The following TMEM132B variants were observed in gnomAD, a reference collection of about 807,000 sequenced individuals.
The protein encoded by TMEM132B is transmembrane protein 132B.
TMEM132B carries 18 observed loss-of-function variants against 90.8 expected under a neutral mutation model. That is an observed-to-expected ratio of 0.20 (90% CI 0.14 to 0.29). The LOEUF is 0.29. Ranked by LOEUF, TMEM132B falls within the 10% of genes least tolerant of loss-of-function variation. The probability of loss-of-function intolerance (pLI) is 1.00; values close to 1 mark genes in which losing one functional copy is unlikely to be tolerated. For missense variants in TMEM132B, 1,096 were observed against 1,326.8 expected, an observed-to-expected ratio of 0.83 and a Z score of 2.70; for synonymous variants, 504 against 523.3, an observed-to-expected ratio of 0.96 and a Z score of 0.50.
chr12:125,595,246 T>G (rs182802438), intron 5 of TMEM132B, among the ~76,000 whole-genome samples: 24 of 152,306 alleles, frequency 1.6e-4, no homozygotes, highest in Non-Finnish European at 2.8e-4. Context: ...TTCCCGTCAC[T>G]AGCACTGCAC....
intron 4 of TMEM132B, among the ~76,000 whole-genome samples, chr12:125,539,169 C>T (rs184482490): frequency 1.3e-5 from 2 of 152,304 alleles, no homozygotes; most frequent in East Asian, 1.9e-4. Flanking sequence ...TTGTGAATGA[C>T]GCCATGACAC....
intron 4 of TMEM132B, among the ~76,000 whole-genome samples, chr12:125,544,980 A>G (rs548999568): frequency 1.3e-5 from 2 of 152,222 alleles, no homozygotes; most frequent in African/African-American, 4.8e-5. Context: ...GATTACTCCT[A>G]TGGGTCAAAT....
chr12:125,277,276 C>G lies in TMEM132B; in HGVS notation c.68-72176C>G, dbSNP rs1012981846. Among the ~76,000 whole-genome samples the G allele has an allele frequency of 6.6e-6, 1 of 151,980 alleles. No homozygotes were observed. Among genetic ancestry groups the G allele is most frequent in the African/African-American group, 2.4e-5 (1 of 41,352 alleles). The stretch of plus-strand genomic sequence containing the variant: ...CAGGTGGATTACAAGGTCAGGAGTT[C>G]AAGACCAGCCTGGCCAACATGGTGA... On this transcript the variant is annotated intron_variant, in intron 1 of 8. Coordinates refer to ENST00000682704, the MANE Select transcript of TMEM132B (RefSeq NM_001366854.1). The surrounding 1 kb of genome is among the most constrained non-coding windows in gnomAD (Gnocchi z 4.3).
At chr12:125,607,049 G>A (rs533518073) in intron 5 of TMEM132B, among the ~76,000 whole-genome samples, 1 of 152,236 alleles carries the variant, frequency 6.6e-6, no homozygotes, top group Admixed American at 6.5e-5. Context: ...CCACTGCAGA[G>A]GTTTATTCCT....
chr12:125,448,290 A>T lies in TMEM132B; in HGVS notation c.1106+32613A>T, dbSNP rs1881059046. ...CATTTTGATGAGTTTTGACAAATTT[A>T]TTCACCCAACTAATCACCATCAACT... On this transcript the variant is annotated intron_variant, in intron 3 of 8. Transcript: ENST00000682704. Among the ~76,000 whole-genome samples the T allele has an allele frequency of 5.3e-5, 8 of 152,040 alleles. No homozygotes were observed. In the South Asian group the frequency reaches 1.7e-3, roughly 32 times the overall value.
chr12:125,481,131 A>G (rs932385941), intron 3 of TMEM132B, among the ~76,000 whole-genome samples: 10 of 152,234 alleles, frequency 6.6e-5, no homozygotes, highest in African/African-American at 2.4e-4. Context: ...GCTATTTATG[A>G]CAAACCCACT....
chr12:125,292,680 C>T (rs1017548019), intron 1 of TMEM132B, among the ~76,000 whole-genome samples: 4 of 152,208 alleles, frequency 2.6e-5, no homozygotes, highest in African/African-American at 9.7e-5. Context: ...TCCAGTTGGC[C>T]TCTTTCTCTG....
chr12:125,598,408 A>G (rs942450918), intron 5 of TMEM132B, among the ~76,000 whole-genome samples: 2 of 152,194 alleles, frequency 1.3e-5, no homozygotes, highest in South Asian at 2.1e-4. Context: ...CTGTGAGACA[A>G]TCGAGGCAGC....
At chr12:125,652,655 G>C in intron 8 of TMEM132B, 23 bp downstream of exon 8, 1 of 1,595,388 alleles carries the variant, frequency 6.3e-7, no homozygotes, top group Non-Finnish European at 8.5e-7. Flanking sequence ...GGGGCCCTGC[G>C]TCCTTGGTCA....
At chr12:125,571,558 G>C (rs573388175) in intron 4 of TMEM132B, among the ~76,000 whole-genome samples, 5 of 152,224 alleles carry the variant, frequency 3.3e-5, no homozygotes, top group African/African-American at 1.2e-4. Context: ...ATGTTTGTTA[G>C]GCACTTACCA....
chr12:125,246,549 C>T lies in TMEM132B; in HGVS notation c.67+59683C>T, dbSNP rs1170306438. On this transcript the variant is annotated intron_variant, in intron 1 of 8. Transcript: ENST00000682704. The surrounding 1 kb of genome is among the most constrained non-coding windows in gnomAD (Gnocchi z 4.2). Reference sequence around the variant, plus strand: ...TTGGAAGCCCTTATTAAGTGATTCCCGTTTGCTTCGGCATGAATGCACAAC... The same window carrying T: ...TTGGAAGCCCTTATTAAGTGATTCCTGTTTGCTTCGGCATGAATGCACAAC... 1.3e-5 allele frequency among the ~76,000 whole-genome samples: 2 copies of T among 152,146 alleles called. No homozygotes were observed. Among genetic ancestry groups the T allele is most frequent in the Non-Finnish European group, 2.9e-5 (2 of 68,042 alleles).
At chr12:125,318,260 G>C (rs1876339495) in intron 1 of TMEM132B, among the ~76,000 whole-genome samples, 1 of 151,812 alleles carries the variant, frequency 6.6e-6, no homozygotes, top group Non-Finnish European at 1.5e-5. Flanking sequence ...GGGAACTGTG[G>C]TTGGGGAGGG....
At chr12:125,464,766 G>C (rs1206318940) in intron 3 of TMEM132B, among the ~76,000 whole-genome samples, 1 of 152,226 alleles carries the variant, frequency 6.6e-6, no homozygotes, top group African/African-American at 2.4e-5. Flanking sequence ...TTCTGAAATT[G>C]ATTTCCAGAC....
chr12:125,493,284 C>T (rs904030673), intron 3 of TMEM132B, among the ~76,000 whole-genome samples: 4 of 152,166 alleles, frequency 2.6e-5, no homozygotes, highest in Non-Finnish European at 5.9e-5. Flanking sequence ...TGTGCAAAAC[C>T]TGCATTGGAT....
chr12:125,415,995 G>T lies in TMEM132B; in HGVS notation c.1106+318G>T, dbSNP rs1363490172. 6.6e-6 allele frequency among the ~76,000 whole-genome samples: 1 copy of T among 152,174 alleles called. No homozygotes were observed. The highest frequency in any genetic ancestry group is 2.4e-5 in the African/African-American group (1 of 41,430). On this transcript the variant is annotated intron_variant, in intron 3 of 8. Transcript: ENST00000682704. This position sits in a 1 kb window ranked among gnomAD's most constrained non-coding sequence, Gnocchi z 5.3. ...TATACTTAGTAATGAGCAAACCGAGGGTAGCTTTAGCTATTGGACATTCGT... is the reference window on the plus strand; with the variant it reads ...TATACTTAGTAATGAGCAAACCGAGTGTAGCTTTAGCTATTGGACATTCGT...
intron 1 of TMEM132B, among the ~76,000 whole-genome samples, chr12:125,288,998 C>G (rs7959744): frequency 0.14 from 20,760 of 152,068 alleles, 1,585 homozygotes; most frequent in African/African-American, 0.2. Context: ...GGGGTTGGCT[C>G]GTAGGCAACG....
chr12:125,263,409 C>T (rs960270463), intron 1 of TMEM132B, among the ~76,000 whole-genome samples: 1 of 152,310 alleles, frequency 6.6e-6, no homozygotes, highest in African/African-American at 2.4e-5. Context: ...AATAATAACA[C>T]ATTCTCATCA....
chr12:125,327,794 T>C (rs1242583503), intron 1 of TMEM132B, among the ~76,000 whole-genome samples: 1 of 151,898 alleles, frequency 6.6e-6, no homozygotes, highest in Non-Finnish European at 1.5e-5. Flanking sequence ...TAGTCCAAGG[T>C]TTTAAAAAAA....
Position 125,349,472 on chromosome 12 carries a change from G to A in TMEM132B, c.88G>A (p.Val30Met). 6.2e-7 allele frequency: 1 copy of A among 1,612,180 alleles called. No homozygotes were observed. The highest frequency in any genetic ancestry group is 2.2e-5 in the East Asian group (1 of 44,870). The change falls in exon 2 of 9, where the codon GTG becomes ATG. Residue 30 changes from valine (V) to methionine (M), a missense_variant. By Grantham distance (21) the Val-to-Met change is conservative. Transcript: ENST00000682704. This position sits in a 1 kb window ranked among gnomAD's most constrained non-coding sequence, Gnocchi z 4.1. ...TGCAGTGACAGAGAGTCGAGGGATTGTGGATAGCCTGCAGAAGTTTTCCTC... is the reference window on the plus strand; with the variant it reads ...TGCAGTGACAGAGAGTCGAGGGATTATGGATAGCCTGCAGAAGTTTTCCTC... ...QCPVTESRGI[V>M]DSLQKFSSLP... is the part of the protein sequence containing the mutation.
Sources: gnomAD v4.1 joint callset for allele counts (sites outside exome capture counted in the v4.1 genomes callset) on GRCh38, gnomAD v4.1.1 for gene constraint, Gnocchi (gnomAD v3.1) non-coding constraint, MANE v1.5 for transcripts, NCBI Gene and HGNC (gene_info 2026-07-23, HGNC 2026-07-21) for gene names.